The following ESPN variants were observed in gnomAD, a reference collection of about 807,000 sequenced individuals.
The protein encoded by ESPN is autosomal recessive deafness type 36 protein.
In ESPN, 68 loss-of-function variants were observed where a neutral mutation model predicts 77.7. The ratio of observed to expected loss-of-function variants is 0.87; its 90% CI spans 0.72 to 1.07. ESPN has a LOEUF of 1.07. Among genes scored for constraint, ESPN ranks in the 50% least tolerant of loss-of-function variants. ESPN has a pLI of 0.00. For synonymous variants in ESPN, 449 were observed against 567.1 expected (o/e 0.79, Z 2.96); for missense variants, 1,060 against 1,239.0 (o/e 0.86, Z 2.17).
rs562633957 is a variant in ESPN at position 6,428,217 on chromosome 1, C to T, written c.295-9C>T. 6 of 1,613,546 alleles carry T rather than the reference C, an allele frequency of 3.7e-6. No individual in the cohort carries two copies. The South Asian group carries it at 5.5e-5, about 15-fold the overall frequency. ...GGCTTTAGGACTTGAACCAGCTCTCCTCCCACAGGACAAAGACAATTCTGG... is the reference window on the plus strand; with the variant it reads ...GGCTTTAGGACTTGAACCAGCTCTCTTCCCACAGGACAAAGACAATTCTGG... On this transcript the variant is annotated splice_polypyrimidine_tract_variant and intron_variant, in intron 1 of 12. Transcript: ENST00000645284. The surrounding 1 kb of genome is among the most constrained non-coding windows in gnomAD (Gnocchi z 5.4).
intron 2 of ESPN, chr1:6,429,977 A>G (rs1643182474): frequency 6.5e-6 from 1 of 153,722 alleles, no homozygotes; most frequent in Non-Finnish European, 1.5e-5. Context: ...GACTGATAAG[A>G]AGGTGTCTTT....
chr1:6,444,466 C>T lies in ESPN; in HGVS notation c.991-15C>T, dbSNP rs2148525151. On this transcript the variant is annotated splice_polypyrimidine_tract_variant and intron_variant, in intron 5 of 12. Coordinates refer to ENST00000645284, the MANE Select transcript of ESPN (RefSeq NM_031475.3). ...GGGTATGGTTGTCTTCATGGCCTCC[C>T]TGCCTCCCCTTCAGAGCGTGGAGCA... 3 of 1,613,950 alleles carry T rather than the reference C, an allele frequency of 1.9e-6. No individual in the cohort carries two copies. The highest frequency in any genetic ancestry group is 2.2e-5 in the East Asian group (1 of 44,876).
intron 2 of ESPN, among the ~76,000 whole-genome samples, chr1:6,433,661 G>A (rs1157368075): frequency 4.0e-5 from 6 of 151,398 alleles, no homozygotes; most frequent in African/African-American, 1.5e-4. Flanking sequence ...TGACAGGGAA[G>A]GCTGCTCACT....
chr1:6,435,227 A>G (rs1643391800), intron 2 of ESPN, among the ~76,000 whole-genome samples: 1 of 151,760 alleles, frequency 6.6e-6, no homozygotes, highest in Non-Finnish European at 1.5e-5. Flanking sequence ...CACAGGCCGC[A>G]GCTGGACTGA....
Position 6,424,887 on chromosome 1 carries a change from C to G in ESPN, c.-69C>G, listed in dbSNP as rs1642976308. On this transcript the variant is annotated 5_prime_UTR_variant, in exon 1 of 13. Coordinates refer to ENST00000645284, the MANE Select transcript of ESPN (RefSeq NM_031475.3). ...GGCCGCACCGCGGGCTCCTCTGGCC[C>G]GCAAGAACACGTGCATGGCGTCCTG... 1 of 1,344,210 alleles carries G rather than the reference C, an allele frequency of 7.4e-7. No homozygotes were observed. Among genetic ancestry groups the G allele is most frequent in the Admixed American group, 3.5e-5 (1 of 28,442 alleles). The allele number at this position is 1,344,210 out of a possible 1,614,324, so 83.3% of individuals were successfully genotyped here.
intron 5 of ESPN, among the ~76,000 whole-genome samples, chr1:6,441,603 ATGGT>A (rs1184389916): frequency 6.6e-6 from 1 of 152,230 alleles, no homozygotes; most frequent in Admixed American, 6.5e-5. Context: ...TTATGTTATT[ATGGT>A]GAGACAGCCA....
chr1:6,435,361 C>T (rs1294075273), intron 2 of ESPN, among the ~76,000 whole-genome samples: 1 of 152,218 alleles, frequency 6.6e-6, no homozygotes, highest in Admixed American at 6.5e-5. Context: ...CCTGCGGCGG[C>T]GCTGGCAGTC....
intron 2 of ESPN, among the ~76,000 whole-genome samples, chr1:6,433,177 G>A (rs1393742654): frequency 6.6e-6 from 1 of 151,712 alleles, no homozygotes; most frequent in Non-Finnish European, 1.5e-5. Flanking sequence ...TGGTGCAGTG[G>A]CTCATGCCTG....
chr1:6,438,105 T>C lies in ESPN; in HGVS notation c.489-2149T>C, dbSNP rs148127745. 8.3e-3 allele frequency among the ~76,000 whole-genome samples: 1,265 copies of C among 152,148 alleles called. 14 individuals carry two copies. The highest frequency in any genetic ancestry group is 0.029 in the African/African-American group (1,223 of 41,516). ...GCAGGATGTGAAGTCCTGTGAAGAA[T>C]TGGCCTCCTAAGCACAAAAGGTGAA... On this transcript the variant is annotated intron_variant, in intron 2 of 12. Transcript: ENST00000645284.
intron 2 of ESPN, among the ~76,000 whole-genome samples, chr1:6,439,994 G>A (rs868323724): frequency 6.7e-6 from 1 of 149,162 alleles, no homozygotes; most frequent in South Asian, 2.1e-4. Flanking sequence ...GGGCGACAGA[G>A]CTAGACTTCT....
chr1:6,438,422 G>A (rs1022290340), intron 2 of ESPN, among the ~76,000 whole-genome samples: 2 of 152,264 alleles, frequency 1.3e-5, no homozygotes, highest in African/African-American at 2.4e-5. Context: ...TTTCATGGAT[G>A]GGTTTGGGAA....
At chr1:6,439,853 C>A (rs1643554900) in intron 2 of ESPN, among the ~76,000 whole-genome samples, 1 of 152,030 alleles carries the variant, frequency 6.6e-6, no homozygotes, top group South Asian at 2.1e-4. Context: ...ACTAAAAATA[C>A]AAAAAATTAG....
chr1:6,442,556 G>C (rs1643675694), intron 5 of ESPN, among the ~76,000 whole-genome samples: 1 of 133,550 alleles, frequency 7.5e-6, no homozygotes, highest in Admixed American at 7.7e-5. Flanking sequence ...CCTGGTGACA[G>C]AGCAAGACTC....
chr1:6,451,495 G>A lies in ESPN; in HGVS notation c.1916-108G>A. 6.8e-7 allele frequency: 1 copy of A among 1,473,234 alleles called. No homozygotes were observed. The highest frequency in any genetic ancestry group is 9.3e-7 in the Non-Finnish European group (1 of 1,077,320). 91.3% of individuals were successfully genotyped at this position (1,473,234 alleles called of 1,614,324 possible). On this transcript the variant is annotated intron_variant, in intron 8 of 12. Transcript: ENST00000645284. The surrounding 1 kb of genome is among the most constrained non-coding windows in gnomAD (Gnocchi z 4.3). Reference sequence around the variant, plus strand: ...GAGCTGCCCGCTGGCCCGGAGGATGGGCACCCATCCAATCTTGGCTTAGGA... The same window carrying A: ...GAGCTGCCCGCTGGCCCGGAGGATGAGCACCCATCCAATCTTGGCTTAGGA...
In ESPN at chr1:6,451,860, C is replaced by A; in HGVS notation, c.2089C>A (p.Pro697Thr). ...QPDSPLPSVS[P>T]ALSPVRSPTP... ...CGATTCGCCGCTGCCTTCTGTGTCA[C>A]CTGCACTGTCACCAGTCCGGAGCCC... Residue 697 changes from proline to threonine, a missense_variant, in exon 10 of 13, where the codon CCT (proline) becomes ACT (threonine). By Grantham distance (38) the Pro-to-Thr change is conservative. Around this residue, in one of 3 missense-constraint regions of ESPN, gnomAD observed 374 missense variants for 381.4 expected, o/e 0.98. Transcript: ENST00000645284. This position sits in a 1 kb window ranked among gnomAD's most constrained non-coding sequence, Gnocchi z 4.3. The A allele has an allele frequency of 1.2e-6, 2 of 1,611,840 alleles. No homozygotes were observed. Among genetic ancestry groups the A allele is most frequent in the Non-Finnish European group, 1.7e-6 (2 of 1,179,394 alleles).
intron 10 of ESPN, chr1:6,455,013 C>A: frequency 2.7e-6 from 1 of 376,964 alleles, no homozygotes; most frequent in Non-Finnish European, 4.7e-6. Context: ...CGCGCGCTGT[C>A]CGCGCCGCAA....
chr1:6,460,295 G>T lies in ESPN; in HGVS notation c.*149G>T. 2 of 1,019,612 alleles carry T rather than the reference G, an allele frequency of 2.0e-6. No homozygotes were observed. Among genetic ancestry groups the T allele is most frequent in the African/African-American group, 1.7e-5 (1 of 59,100 alleles). 63.2% of individuals were successfully genotyped at this position (1,019,612 alleles called of 1,614,324 possible). A position where few individuals can be genotyped will look rare whatever the true frequency, so the allele number is the denominator to read the frequency against. The stretch of plus-strand genomic sequence containing the variant: ...TCCCTGACCCCCACCCTGGCCCCCC[G>T]TATCCCCAGCCCTTGGCAACACTGG... On this transcript the variant is annotated 3_prime_UTR_variant, in exon 13 of 13. Coordinates refer to ENST00000645284, the MANE Select transcript of ESPN (RefSeq NM_031475.3).
At chr1:6,455,687 C>T (rs1489364826) in intron 10 of ESPN, 40 of 399,000 alleles carry the variant, frequency 1.0e-4, no homozygotes, top group Middle Eastern at 6.2e-4. Context: ...TGGGCCTGAG[C>T]CGCGAGGAGC....
intron 6 of ESPN, among the ~76,000 whole-genome samples, chr1:6,445,099 GCACA>G (rs896238206): frequency 1.1e-4 from 16 of 151,520 alleles, no homozygotes; most frequent in Non-Finnish European, 1.9e-4. Flanking sequence ...AGATATGCAC[GCACA>G]CACACACACA....
Sources: gnomAD v4.1 joint callset for allele counts (sites outside exome capture counted in the v4.1 genomes callset) on GRCh38, gnomAD v4.1.1 for gene constraint, gnomAD v4.1.1 regional missense constraint, Gnocchi (gnomAD v3.1) non-coding constraint, MANE v1.5 for transcripts, NCBI Gene and HGNC (gene_info 2026-07-23, HGNC 2026-07-21) for gene names.